The following DDX18 variants were observed in gnomAD, a reference collection of about 807,000 sequenced individuals.
DDX18 encodes ATP-dependent RNA helicase DDX18.
DDX18 carries 23 observed loss-of-function variants against 73.5 expected under a neutral mutation model. That is an observed-to-expected ratio of 0.31 (90% CI 0.23 to 0.44). DDX18 has a LOEUF of 0.44. Among genes scored for constraint, DDX18 ranks in the 20% least tolerant of loss-of-function variants. The probability of loss-of-function intolerance (pLI) is 1.00; values close to 1 mark genes in which losing one functional copy is unlikely to be tolerated. For missense variants in DDX18, 753 were observed against 792.9 expected, an observed-to-expected ratio of 0.95 and a Z score of 0.60; for synonymous variants, 268 against 282.7, an observed-to-expected ratio of 0.95 and a Z score of 0.52.
chr2:117,828,916 TG>T, intron 11 of DDX18, 32 bp from the exon 12 acceptor site: 1 of 1,470,112 alleles, frequency 6.8e-7, no homozygotes, highest in Non-Finnish European at 9.5e-7. Context: ...CTGATCATCC[TG>T]GTTTACTAAT....
chr2:117,822,120 G>A (rs1343429324), intron 6 of DDX18, 27 bp from the exon 7 acceptor site: 1 of 1,613,676 alleles, frequency 6.2e-7, no homozygotes, highest in Admixed American at 1.7e-5. Context: ...ACAACTAATG[G>A]TTGTTCTTTG....
intron 7 of DDX18, chr2:117,822,908 TGAACA>T (rs2104623039): frequency 6.5e-6 from 1 of 152,740 alleles, no homozygotes; most frequent in African/African-American, 2.4e-5. Context: ...AAAGTTGCTG[TGAACA>T]GTCATCTACA....
At chr2:117,822,422 T>G (rs186035494) in intron 7 of DDX18, 161 bp downstream of exon 7, 1 of 589,456 alleles carries the variant, frequency 1.7e-6, no homozygotes, top group Non-Finnish European at 3.0e-6. Context: ...AAGCATCAAA[T>G]GTATTATAAC....
At position 117,828,950 on chromosome 2, in the gene DDX18, T is replaced by C; in HGVS notation, c.1637T>C (p.Val546Ala). Residue 546 changes from valine to alanine, a missense_variant and splice_region_variant, in exon 12 of 14, where the codon GTT becomes GCT. Physicochemically the swap from Val to Ala is moderately conservative, Grantham distance 64 (BLOSUM62 0). Transcript: ENST00000263239. The stretch of plus-strand genomic sequence containing the variant: ...AATCTTAATACTTTTGATTTCTAGG[T>C]TCCATTAAGTGAATTTGACTTTTCC... ...GFLRYLKQSKVPLSEFDFSWS... is the reference protein window; with the variant it reads ...GFLRYLKQSKAPLSEFDFSWS... 6.2e-7 allele frequency: 1 copy of C among 1,602,438 alleles called. No individual in the cohort carries two copies. The highest frequency in any genetic ancestry group is 8.5e-7 in the Non-Finnish European group (1 of 1,169,658).
At position 117,821,867 on chromosome 2, in the gene DDX18, G is replaced by T. The variant is rs1558732855; in HGVS notation, c.757G>T (p.Gly253Ter). Residue 253 changes from glycine (G) to a stop codon, truncating the protein, a stop_gained, in exon 6 of 14, where the codon GGA (glycine) becomes TGA (stop). Transcript: ENST00000263239. LOFTEE classifies it high-confidence loss of function. The stretch of plus-strand genomic sequence containing the variant: ...CTACCATATATCATTTTTAGGAACA[G>T]GAGTCCTTATTCTCTCACCTACTAG... ...KLRFMPRNGTGVLILSPTREL... is the reference protein window; with the variant it reads ...KLRFMPRNGT 1 of 1,614,014 alleles carries T rather than the reference G, an allele frequency of 6.2e-7. No homozygotes were observed. Among genetic ancestry groups the T allele is most frequent in the Non-Finnish European group, 8.5e-7 (1 of 1,179,928 alleles).
intron 11 of DDX18, chr2:117,828,238 T>C (rs1679967480): frequency 6.6e-6 from 1 of 152,168 alleles, no homozygotes; most frequent in Non-Finnish European, 1.5e-5. Context: ...CTAGCCAAAA[T>C]TGACAAATGG....
At chr2:117,822,104 A>G in intron 6 of DDX18, 43 bp downstream of exon 6, 1 of 1,613,694 alleles carries the variant, frequency 6.2e-7, no homozygotes, top group Non-Finnish European at 8.5e-7. Flanking sequence ...TATGAAACAT[A>G]AACTGACAAC....
chr2:117,820,793 A>C (rs950118723), intron 3 of DDX18, among the ~76,000 whole-genome samples: 1 of 152,102 alleles, frequency 6.6e-6, no homozygotes, highest in Non-Finnish European at 1.5e-5. Flanking sequence ...CTTCACACTC[A>C]GTTTTTATTA....
Position 117,830,806 on chromosome 2 carries a change from CT to C in DDX18, c.*85del. The C allele has an allele frequency of 1.3e-6, 2 of 1,563,852 alleles. No homozygotes were observed. On this transcript the variant is annotated 3_prime_UTR_variant, in exon 14 of 14. Transcript: ENST00000263239. ...CTTGATTTAACAGGATTTTTGTAGA[CT>C]TTAGAATTTGGACTTACCTAACAAG... is the stretch of plus-strand genomic sequence containing the variant.
At position 117,819,084 on chromosome 2, in the gene DDX18, G is replaced by A. The variant is rs542848045; in HGVS notation, c.371-565G>A. On this transcript the variant is annotated intron_variant, in intron 2 of 13. Coordinates refer to ENST00000263239, the MANE Select transcript of DDX18 (RefSeq NM_006773.4). ...TGGTTAATCCATTTGACCCAGAGTC[G>A]AACATTGAAAAGAGAAGTGAGAGGT... Among the ~76,000 whole-genome samples the A allele has an allele frequency of 6.6e-5, 10 of 152,250 alleles. No individual in the cohort carries two copies. In the East Asian group the frequency reaches 1.5e-3, roughly 24 times the overall value.
intron 7 of DDX18, chr2:117,822,473 G>A (rs971231942): frequency 2.8e-5 from 13 of 459,918 alleles, no homozygotes; most frequent in African/African-American, 1.8e-4. Context: ...TATAAGGCAC[G>A]TTAAGCAGTC....
intron 1 of DDX18, among the ~76,000 whole-genome samples, chr2:117,815,484 T>C (rs994051725): frequency 6.6e-6 from 1 of 152,314 alleles, no homozygotes; most frequent in Admixed American, 6.5e-5. Context: ...GTCCTGACAG[T>C]GGGGCCACAG....
rs1316239188 is a variant in DDX18, at chr2:117,829,013, CT to C, written c.1692+13del. ...TCTGACATTCAGTCTCAGGTATGTG[CT>C]TTTTAAACGTTTGTGAGTAAACAGG... On this transcript the variant is annotated intron_variant, in intron 12 of 13. Transcript: ENST00000263239. 1.2e-6 allele frequency: 2 copies of C among 1,609,992 alleles called. No individual in the cohort carries two copies. Among genetic ancestry groups the C allele is most frequent in the South Asian group, 2.2e-5 (2 of 90,902 alleles).
At chr2:117,826,121 T>G in intron 10 of DDX18, 148 bp from the exon 11 acceptor site, 2 of 471,260 alleles carry the variant, frequency 4.2e-6, no homozygotes, top group Non-Finnish European at 7.6e-6. Context: ...TGGCCCAGCT[T>G]TGTGGGGGTG....
In DDX18 at chr2:117,819,779, C is replaced by T. The variant is rs754502558; in HGVS notation, c.501C>T (p.Pro167=). Residue 167 remains proline, a synonymous_variant, in exon 3 of 14, where the codon CCC becomes CCT. Transcript: ENST00000263239. ...ATGAGAGTGAGGTGCCCAGTCTGCCCCTGGGACTGACAGGTAACGTCCAGG... is the reference window on the plus strand; with the variant it reads ...ATGAGAGTGAGGTGCCCAGTCTGCCTCTGGGACTGACAGGTAACGTCCAGG... ...DEDESEVPSL[P]LGLTGAFEDT... 4.8e-5 allele frequency: 76 copies of T among 1,583,636 alleles called. No homozygotes were observed. The highest frequency in any genetic ancestry group is 5.1e-5 in the Non-Finnish European group (60 of 1,169,862).
At position 117,830,702 on chromosome 2, in the gene DDX18, ACAG is replaced by A; in HGVS notation, c.1995_1997del (p.Ser665del). 1 of 1,613,628 alleles carries A rather than the reference ACAG, an allele frequency of 6.2e-7. No homozygotes were observed. Among genetic ancestry groups the A allele is most frequent in the Non-Finnish European group, 8.5e-7 (1 of 1,179,740 alleles). On this transcript the variant is annotated inframe_deletion, in exon 14 of 14. Transcript: ENST00000263239. The stretch of plus-strand genomic sequence containing the variant: ...AAACACATTAGCAAGAAATCATCTG[ACAG>A]CAGGCAGTTCTCTCACTGAACACAT...
At position 117,826,364 on chromosome 2, in the gene DDX18, C is replaced by T. The variant is rs2303348; in HGVS notation, c.1617C>T (p.Arg539=). The part of the protein sequence containing the change: ...ILRPEELGFL[R]YLKQSKVPLS... ...GCCCAGAAGAATTGGGTTTTCTTCG[C>T]TACTTGAAACAATCCAAGGTAAAGA... The change falls in exon 11 of 14, where the codon CGC becomes CGT. Residue 539 remains arginine, a synonymous_variant. Coordinates refer to ENST00000263239, the MANE Select transcript of DDX18 (RefSeq NM_006773.4). The T allele has an allele frequency of 0.38, 609,374 of 1,612,432 alleles. 120,403 individuals carry two copies. Among genetic ancestry groups the T allele is most frequent in the East Asian group, 0.56 (25,062 of 44,826 alleles).
chr2:117,829,309 G>C lies in DDX18; in HGVS notation c.1713G>C (p.Lys571Asn), dbSNP rs1223547898. Residue 571 changes from lysine to asparagine, a missense_variant, in exon 13 of 14, where the codon AAG becomes AAC. By Grantham distance (94) the Lys-to-Asn change is moderately conservative. Transcript: ENST00000263239. ...IQSQLEKLIE[K>N]NYFLHKSAQE... ...TTCAGCTTGAGAAATTGATTGAAAAGAATTACTTTCTTCATAAGTCAGCCC... is the reference window on the plus strand; with the variant it reads ...TTCAGCTTGAGAAATTGATTGAAAACAATTACTTTCTTCATAAGTCAGCCC... 18 of 1,594,876 alleles carry C rather than the reference G, an allele frequency of 1.1e-5. No individual in the cohort carries two copies. Among genetic ancestry groups the C allele is most frequent in the Non-Finnish European group, 1.4e-5 (17 of 1,173,900 alleles).
chr2:117,819,632 G>T lies in DDX18; in HGVS notation c.371-17G>T, dbSNP rs1159760309. Reference sequence around the variant, plus strand: ...TTAAGGAAAAATTTTTTCGGATTTTGTCTTTTAAAACCAAAGATACGAAAA... The same window carrying T: ...TTAAGGAAAAATTTTTTCGGATTTTTTCTTTTAAAACCAAAGATACGAAAA... On this transcript the variant is annotated splice_polypyrimidine_tract_variant and intron_variant, in intron 2 of 13. Coordinates refer to ENST00000263239, the MANE Select transcript of DDX18 (RefSeq NM_006773.4). 6.5e-7 allele frequency: 1 copy of T among 1,549,916 alleles called. No individual in the cohort carries two copies. The highest frequency in any genetic ancestry group is 1.2e-5 in the South Asian group (1 of 81,254).
Sources: gnomAD v4.1 joint callset for allele counts (sites outside exome capture counted in the v4.1 genomes callset) on GRCh38, gnomAD v4.1.1 for gene constraint, MANE v1.5 for transcripts, NCBI Gene and HGNC (gene_info 2026-07-23, HGNC 2026-07-21) for gene names.